Variants in SH3PXD2B observed in about 807,000 individuals in gnomAD.
The protein encoded by SH3PXD2B is SH3 and PX domains 2B, also known as SH3 and PX domain-containing protein 2B.
SH3PXD2B carries 37 observed loss-of-function variants against 73.1 expected under a neutral mutation model. The observed-to-expected ratio is 0.51, with a 90% CI of 0.39 to 0.67. The LOEUF is 0.67. Among genes scored for constraint, SH3PXD2B ranks in the 30% least tolerant of loss-of-function variants. The pLI is 0.00. For synonymous variants in SH3PXD2B, 457 were observed against 480.5 expected (o/e 0.95, Z 0.64); for missense variants, 1,053 against 1,197.8 (o/e 0.88, Z 1.78).
intron 3 of SH3PXD2B, among the ~76,000 whole-genome samples, chr5:172,397,915 G>A (rs562857266): frequency 2.3e-4 from 35 of 152,350 alleles, no homozygotes; most frequent in East Asian, 3.9e-4. Flanking sequence ...AAAACAGGGC[G>A]GGTTTAGGTT....
chr5:172,342,977 C>T (rs865989446), intron 12 of SH3PXD2B, among the ~76,000 whole-genome samples: 2 of 152,198 alleles, frequency 1.3e-5, no homozygotes, highest in Non-Finnish European at 2.9e-5. Context: ...GGGCAAGCCA[C>T]GTGCCTCAGA....
chr5:172,336,834 C>T lies in SH3PXD2B; in HGVS notation c.*1535G>A, dbSNP rs1756707680. On this transcript the variant is annotated 3_prime_UTR_variant, in exon 13 of 13. Transcript: ENST00000311601. The stretch of plus-strand genomic sequence containing the variant: ...TGCTTCTGCAGTGATTTAGTCATGC[C>T]TCTCCAGACCTCAGTTTGACAGATG... 1.0e-6 allele frequency: 1 copy of T among 985,346 alleles called. No homozygotes were observed. The highest frequency in any genetic ancestry group is 1.2e-6 in the Non-Finnish European group (1 of 829,982). 61.0% of individuals were successfully genotyped at this position (985,346 alleles called of 1,614,324 possible). A position where few individuals can be genotyped will look rare whatever the true frequency, so the allele number is the denominator to read the frequency against.
chr5:172,344,166 T>C (rs926347255), intron 12 of SH3PXD2B, among the ~76,000 whole-genome samples: 2 of 152,076 alleles, frequency 1.3e-5, no homozygotes, highest in East Asian at 1.9e-4. Context: ...AACTAAGGTG[T>C]TACTGGTAGC....
intron 3 of SH3PXD2B, among the ~76,000 whole-genome samples, chr5:172,395,970 A>C (rs771345379): frequency 6.6e-6 from 1 of 152,118 alleles, no homozygotes; most frequent in Non-Finnish European, 1.5e-5. Flanking sequence ...CAAGGTGAAG[A>C]GAGATTACTA....
intron 4 of SH3PXD2B, among the ~76,000 whole-genome samples, chr5:172,387,927 C>T (rs767483581): frequency 3.3e-5 from 5 of 151,974 alleles, no homozygotes; most frequent in Non-Finnish European, 7.4e-5. Flanking sequence ...TTGCCTCTTA[C>T]ATTTATGTCT....
At chr5:172,347,762 G>A (rs775196071) in intron 10 of SH3PXD2B, among the ~76,000 whole-genome samples, 2 of 152,154 alleles carry the variant, frequency 1.3e-5, no homozygotes, top group Admixed American at 6.6e-5. Flanking sequence ...CCAGGGCAGC[G>A]GTGAGGATGA....
At chr5:172,369,860 T>G (rs531404246) in intron 6 of SH3PXD2B, among the ~76,000 whole-genome samples, 1 of 150,986 alleles carries the variant, frequency 6.6e-6, no homozygotes, top group South Asian at 2.1e-4. Context: ...TCAAATGCCT[T>G]CCTTCACATT....
At chr5:172,330,444 C>T (rs1756533277), downstream of SH3PXD2B, among the ~76,000 whole-genome samples, 1 of 152,152 alleles carries the variant, frequency 6.6e-6, no homozygotes, top group Non-Finnish European at 1.5e-5. Flanking sequence ...TTACATGAAA[C>T]GTTGCCCCTG....
intron 6 of SH3PXD2B, among the ~76,000 whole-genome samples, chr5:172,370,509 C>G (rs1017784657): frequency 6.6e-6 from 1 of 152,190 alleles, no homozygotes; most frequent in Admixed American, 6.6e-5. Flanking sequence ...GGAGAGCGCT[C>G]TGGGCTGTGA....
intron 12 of SH3PXD2B, among the ~76,000 whole-genome samples, chr5:172,326,861 T>C (rs1284481277): frequency 1.3e-5 from 2 of 149,942 alleles, no homozygotes; most frequent in Non-Finnish European, 3.0e-5. Context: ...CTCAAGATTT[T>C]TTTTTTTTTT....
intron 3 of SH3PXD2B, among the ~76,000 whole-genome samples, chr5:172,397,666 G>T (rs1377594819): frequency 6.6e-6 from 1 of 152,216 alleles, no homozygotes; most frequent in Non-Finnish European, 1.5e-5. Context: ...ATTATTGGGG[G>T]CGGGTTCCCC....
At chr5:172,329,540 C>CTTTTTTTTTTTTTTTTTTTTTTTTTTTT (rs370876232), downstream of SH3PXD2B, among the ~76,000 whole-genome samples, 32 of 106,432 alleles carry the variant, frequency 3.0e-4, 3 homozygotes, top group Non-Finnish European at 4.8e-4. Flanking sequence ...CTTTGTTATT[C>CTTTTTTTTTTTTTTTTTTTTTTTTTTTT]TTTTTTTTTT....
intron 5 of SH3PXD2B, among the ~76,000 whole-genome samples, chr5:172,380,914 T>A (rs1395945998): frequency 6.6e-6 from 1 of 152,232 alleles, no homozygotes; most frequent in African/African-American, 2.4e-5. Context: ...TAGCAAACCA[T>A]CAGTCCTGAG....
At chr5:172,365,881 A>G (rs1254983187) in intron 6 of SH3PXD2B, among the ~76,000 whole-genome samples, 5 of 152,056 alleles carry the variant, frequency 3.3e-5, no homozygotes, top group African/African-American at 7.2e-5. Context: ...TCTGAATCCA[A>G]TCCAGCATCT....
At position 172,359,008 on chromosome 5, in the gene SH3PXD2B, A is replaced by G. The variant is rs1449921842; in HGVS notation, c.563-131T>C. 4 of 853,832 alleles carry G rather than the reference A, an allele frequency of 4.7e-6. No individual in the cohort carries two copies. The African/African-American group carries it at 6.7e-5, about 14-fold the overall frequency. The allele number at this position is 853,832 out of a possible 1,614,324, so 52.9% of individuals were successfully genotyped here. ...AGGCTAAAGTTACCATTTTATTGGT[A>G]GAACACAACTACCAATGTTACCTGC... On this transcript the variant is annotated intron_variant, in intron 7 of 12. Coordinates refer to ENST00000311601, the MANE Select transcript of SH3PXD2B (RefSeq NM_001017995.3).
At position 172,338,316 on chromosome 5, in the gene SH3PXD2B, C is replaced by A; in HGVS notation, c.*53G>T. On this transcript the variant is annotated 3_prime_UTR_variant, in exon 13 of 13. Coordinates refer to ENST00000311601, the MANE Select transcript of SH3PXD2B (RefSeq NM_001017995.3). This position sits in a 1 kb window ranked among gnomAD's most constrained non-coding sequence, Gnocchi z 5.1. ...GATAAATTAAGAGGCGTATTAAATACGTGGGTAAAGCCAGCAAGGACCAGC... is the reference window on the plus strand; with the variant it reads ...GATAAATTAAGAGGCGTATTAAATAAGTGGGTAAAGCCAGCAAGGACCAGC... 1 of 1,612,832 alleles carries A rather than the reference C, an allele frequency of 6.2e-7. No homozygotes were observed.
chr5:172,363,345 C>T (rs1029264089), intron 6 of SH3PXD2B, among the ~76,000 whole-genome samples: 1 of 152,132 alleles, frequency 6.6e-6, no homozygotes, highest in South Asian at 2.1e-4. Flanking sequence ...ATGAAATCAC[C>T]AGTGATGTTC....
intron 1 of SH3PXD2B, among the ~76,000 whole-genome samples, chr5:172,443,283 A>G (rs370238070): frequency 6.6e-6 from 1 of 152,204 alleles, no homozygotes; most frequent in East Asian, 1.9e-4. Context: ...ATGTATTACT[A>G]CTATCACCGC....
Position 172,338,958 on chromosome 5 carries a change from T to C in SH3PXD2B, c.2147A>G (p.Gln716Arg). The part of the protein sequence containing the change: ...PGRAQDRTGK[Q>R]DGLSPKEISC... ...AATCTCTTTTGGGCTGAGACCATCC[T>C]GTTTGCCCGTCCTGTCCTGGGCGCG... Residue 716 changes from glutamine to arginine, a missense_variant, in exon 13 of 13, where the codon CAG (glutamine) becomes CGG (arginine). Coordinates refer to ENST00000311601, the MANE Select transcript of SH3PXD2B (RefSeq NM_001017995.3). The surrounding 1 kb of genome is among the most constrained non-coding windows in gnomAD (Gnocchi z 5.1). 3.1e-6 allele frequency: 5 copies of C among 1,614,188 alleles called. No homozygotes were observed. Among genetic ancestry groups the C allele is most frequent in the Non-Finnish European group, 4.2e-6 (5 of 1,180,004 alleles).
Sources: gnomAD v4.1 joint callset for allele counts (sites outside exome capture counted in the v4.1 genomes callset) on GRCh38, gnomAD v4.1.1 for gene constraint, Gnocchi (gnomAD v3.1) non-coding constraint, MANE v1.5 for transcripts, NCBI Gene and HGNC (gene_info 2026-07-23, HGNC 2026-07-21) for gene names.